The following DAGLA variants were observed in gnomAD, a reference collection of about 807,000 sequenced individuals.
DAGLA encodes the protein diacylglycerol lipase alpha, also known as diacylglycerol lipase-alpha.
DAGLA carries 22 observed loss-of-function variants against 102.6 expected under a neutral mutation model. That is an observed-to-expected ratio of 0.21 (90% CI 0.15 to 0.31). DAGLA has a LOEUF of 0.31. Among genes scored for constraint, DAGLA ranks in the 10% least tolerant of loss-of-function variants. DAGLA has a pLI of 1.00. For synonymous variants in DAGLA, 578 were observed against 628.9 expected, an observed-to-expected ratio of 0.92 and a Z score of 1.21; for missense variants, 927 against 1,446.6, an observed-to-expected ratio of 0.64 and a Z score of 5.83.
chr11:61,685,289 A>G (rs1028278120), intron 1 of DAGLA, among the ~76,000 whole-genome samples: 2 of 152,120 alleles, frequency 1.3e-5, no homozygotes, highest in Non-Finnish European at 2.9e-5. Flanking sequence ...CCTGATGAAA[A>G]CACGCACTGA....
intron 6 of DAGLA, 121 bp from the exon 7 acceptor site, chr11:61,728,032 C>T: frequency 8.4e-7 from 1 of 1,184,614 alleles, no homozygotes. Context: ...GAGAACCTGT[C>T]CAGGGGACCC....
chr11:61,713,078 C>T (rs551966367), intron 1 of DAGLA, among the ~76,000 whole-genome samples: 54 of 152,332 alleles, frequency 3.5e-4, no homozygotes, highest in African/African-American at 1.2e-3. Context: ...CCCGACTCCA[C>T]AGCCTGCTCC....
intron 1 of DAGLA, among the ~76,000 whole-genome samples, chr11:61,685,400 T>C (rs1055533706): frequency 6.6e-6 from 1 of 152,212 alleles, no homozygotes; most frequent in Non-Finnish European, 1.5e-5. Context: ...TGGGTCTCAT[T>C]ACTTGATAAG....
intron 1 of DAGLA, among the ~76,000 whole-genome samples, chr11:61,705,655 C>T (rs2065143071): frequency 1.3e-5 from 2 of 152,258 alleles, no homozygotes; most frequent in African/African-American, 2.4e-5. Context: ...TTCTGGTCTG[C>T]AGGCTCCATA....
intron 5 of DAGLA, 67 bp downstream of exon 5, chr11:61,723,639 T>C: frequency 6.3e-7 from 1 of 1,578,950 alleles, no homozygotes; most frequent in Non-Finnish European, 8.6e-7. Context: ...GAGGTCTCCA[T>C]TCTTCAGAAG....
intron 1 of DAGLA, among the ~76,000 whole-genome samples, chr11:61,695,768 G>A (rs2065059895): frequency 6.6e-6 from 1 of 152,204 alleles, no homozygotes; most frequent in Admixed American, 6.5e-5. Flanking sequence ...TGGGGTCCAG[G>A]ACAGCATATA....
intron 1 of DAGLA, among the ~76,000 whole-genome samples, chr11:61,718,790 G>A (rs2065258028): frequency 6.6e-6 from 1 of 152,364 alleles, no homozygotes; most frequent in Admixed American, 6.5e-5. Flanking sequence ...AGCTCGCCAA[G>A]TGGCTGCACC....
intron 8 of DAGLA, among the ~76,000 whole-genome samples, chr11:61,730,090 C>T (rs980401601): frequency 6.6e-6 from 1 of 151,824 alleles, no homozygotes; most frequent in African/African-American, 2.4e-5. Context: ...AACACTCAGT[C>T]CTCTAGAAAA....
At chr11:61,722,333 C>G (rs2065291371) in intron 3 of DAGLA, among the ~76,000 whole-genome samples, 1 of 152,190 alleles carries the variant, frequency 6.6e-6, no homozygotes, top group Admixed American at 6.5e-5. Context: ...TGCCTGTAAT[C>G]CCAGCACTTT....
At chr11:61,711,390 C>A (rs1367226802) in intron 1 of DAGLA, among the ~76,000 whole-genome samples, 1 of 152,186 alleles carries the variant, frequency 6.6e-6, no homozygotes, top group East Asian at 1.9e-4. Context: ...AAGGAAGAAT[C>A]CAGAAGCCAG....
intron 1 of DAGLA, among the ~76,000 whole-genome samples, chr11:61,688,374 G>A (rs188165075): frequency 6.6e-6 from 1 of 151,042 alleles, no homozygotes; most frequent in Non-Finnish European, 1.5e-5. Context: ...GAGCTGGCAT[G>A]AAGGCTGGGA....
At position 61,741,354 on chromosome 11, in the gene DAGLA, G is replaced by A. The variant is rs1164052258; in HGVS notation, c.2171+5G>A. Reference sequence around the variant, plus strand: ...CCACCGCAACAGCAGCGTCAGGTGAGCCTTGGCCACTCCCAGCCCCACCCC... The same window carrying A: ...CCACCGCAACAGCAGCGTCAGGTGAACCTTGGCCACTCCCAGCCCCACCCC... On this transcript the variant is annotated splice_donor_5th_base_variant and intron_variant, in intron 19 of 19. Transcript: ENST00000257215. 1.2e-6 allele frequency: 2 copies of A among 1,602,932 alleles called. No homozygotes were observed. Among genetic ancestry groups the A allele is most frequent in the Non-Finnish European group, 1.7e-6 (2 of 1,178,818 alleles).
At chr11:61,696,798 A>G (rs1276541566) in intron 1 of DAGLA, among the ~76,000 whole-genome samples, 2 of 152,086 alleles carry the variant, frequency 1.3e-5, no homozygotes, top group African/African-American at 4.8e-5. Context: ...AGGTGTTGCA[A>G]TTACCGTGTG....
chr11:61,720,322 T>G, intron 2 of DAGLA, 72 bp downstream of exon 2: 2 of 1,489,934 alleles, frequency 1.3e-6, no homozygotes, highest in Non-Finnish European at 1.9e-6. Flanking sequence ...TTCTGGCCAT[T>G]TGTTCCTCCC....
chr11:61,711,331 C>T (rs1271859052), intron 1 of DAGLA, among the ~76,000 whole-genome samples: 1 of 152,172 alleles, frequency 6.6e-6, no homozygotes, highest in Non-Finnish European at 1.5e-5. Context: ...GGGATGTGGA[C>T]GTGTGGGACA....
chr11:61,723,973 T>G (rs932175144), intron 5 of DAGLA, among the ~76,000 whole-genome samples: 1 of 152,108 alleles, frequency 6.6e-6, no homozygotes, highest in African/African-American at 2.4e-5. Context: ...CCCCATAATA[T>G]GGGTGGAGAA....
rs564466570 is a variant in DAGLA, at chr11:61,684,070, G to A, written c.-45+3566G>A. On this transcript the variant is annotated intron_variant, in intron 1 of 19. Transcript: ENST00000257215. The surrounding 1 kb of genome is among the most constrained non-coding windows in gnomAD (Gnocchi z 4.5). Reference sequence around the variant, plus strand: ...AGCCAGGCATCTGTGGCCAGAGGATGCTGGACCAGAGCTGACAGCAGCGGG... The same window carrying A: ...AGCCAGGCATCTGTGGCCAGAGGATACTGGACCAGAGCTGACAGCAGCGGG... 5.3e-5 allele frequency among the ~76,000 whole-genome samples: 8 copies of A among 152,352 alleles called. No individual in the cohort carries two copies. The East Asian group carries it at 1.3e-3, about 26-fold the overall frequency.
intron 1 of DAGLA, among the ~76,000 whole-genome samples, chr11:61,719,572 A>C (rs1378232614): frequency 3.3e-5 from 5 of 152,154 alleles, no homozygotes. Context: ...GGCACTCCTC[A>C]CCTTCCATGT....
intron 1 of DAGLA, among the ~76,000 whole-genome samples, chr11:61,691,648 G>A (rs1442661244): frequency 2.6e-5 from 4 of 152,240 alleles, no homozygotes; most frequent in Non-Finnish European, 5.9e-5. Context: ...TCCAGGGAGC[G>A]CTTTGGAGCA....
Sources: gnomAD v4.1 joint callset for allele counts (sites outside exome capture counted in the v4.1 genomes callset) on GRCh38, gnomAD v4.1.1 for gene constraint, Gnocchi (gnomAD v3.1) non-coding constraint, MANE v1.5 for transcripts, NCBI Gene and HGNC (gene_info 2026-07-23, HGNC 2026-07-21) for gene names.